IGF2BP3: variants seen among roughly 807,000 people sequenced by gnomAD.
IGF2BP3 encodes insulin like growth factor 2 mRNA binding protein 3, also known as insulin-like growth factor 2 mRNA-binding protein 3.
A neutral mutation model predicts 73.8 loss-of-function variants in IGF2BP3; 9 were observed. That is an observed-to-expected ratio of 0.12 (90% confidence interval 0.07 to 0.21). IGF2BP3 has a LOEUF of 0.21. IGF2BP3 is among the 10% of genes least tolerant of loss of function. The pLI, the probability that IGF2BP3 is intolerant of heterozygous loss-of-function variation, is 1.00. For missense variants in IGF2BP3, 542 were observed against 714.0 expected (o/e 0.76, Z 2.75); for synonymous variants, 258 against 256.7 (o/e 1.01, Z -0.05).
intron 2 of IGF2BP3, among the ~76,000 whole-genome samples, chr7:23,440,784 G>A (rs1283957871): frequency 5.9e-5 from 9 of 152,164 alleles, no homozygotes; most frequent in African/African-American, 2.2e-4. Flanking sequence ...AAGGACCTAA[G>A]TCAAAGTTTT....
At chr7:23,414,312 T>G (rs924774737) in intron 3 of IGF2BP3, 1 of 152,210 alleles carries the variant, frequency 6.6e-6, no homozygotes, top group African/African-American at 2.4e-5. Flanking sequence ...TCCAGAGAAC[T>G]TGAGGAATCC....
intron 3 of IGF2BP3, among the ~76,000 whole-genome samples, chr7:23,376,618 C>T (rs1039953621): frequency 2.6e-5 from 4 of 151,322 alleles, no homozygotes; most frequent in African/African-American, 9.7e-5. Context: ...ATAATCCCAA[C>T]ACTTTGGGAG....
chr7:23,326,235 C>A (rs1006059670), intron 10 of IGF2BP3, among the ~76,000 whole-genome samples: 2 of 152,156 alleles, frequency 1.3e-5, no homozygotes, highest in Non-Finnish European at 2.9e-5. Flanking sequence ...AAACAAATAA[C>A]CCCATCAAAA....
At position 23,469,970 on chromosome 7, in the gene IGF2BP3, C is replaced by G. The variant is rs1788676694; in HGVS notation, c.141G>C (p.Glu47Asp). The G allele has an allele frequency of 1.2e-6, 2 of 1,611,932 alleles. No homozygotes were observed. The highest frequency in any genetic ancestry group is 1.3e-5 in the African/African-American group (1 of 74,878). Residue 47 changes from glutamate (E) to aspartate (D), a missense_variant, in exon 1 of 15, where the codon GAG becomes GAC. Around this residue, in one of 2 missense-constraint regions of IGF2BP3, gnomAD observed 239 missense variants for 241.9 expected, o/e 0.99. Transcript: ENST00000258729. The surrounding 1 kb of genome is among the most constrained non-coding windows in gnomAD (Gnocchi z 6.1). ...TGYAFVDCPD[E>D]SWALKAIEAL... The stretch of plus-strand genomic sequence containing the variant: ...CCTCGATGGCCTTGAGGGCCCAGCT[C>G]TCGTCCGGGCAGTCCACGAACGCGT...
rs35846648 is a variant in IGF2BP3, at chr7:23,435,292, CAAAAAAAAAAA to C, written c.237-16479_237-16469del. The stretch of plus-strand genomic sequence containing the variant: ...CAGGCGACAGAGCAAGACTCTGTCT[CAAAAAAAAAAA>C]AAAAAAAAAAAAAAAAAATCCTGAA... On this transcript the variant is annotated intron_variant, in intron 2 of 14. Coordinates refer to ENST00000258729, the MANE Select transcript of IGF2BP3 (RefSeq NM_006547.3). Among the ~76,000 whole-genome samples, 218 of 47,982 alleles carry C rather than the reference CAAAAAAAAAAA, an allele frequency of 4.5e-3. 2 individuals are homozygous for C. The highest frequency in any genetic ancestry group is 0.01 in the Admixed American group (27 of 2,574). 31.5% of individuals were successfully genotyped at this position (47,982 alleles called of 152,430 possible).
At chr7:23,352,068 G>A (rs1318774803) in intron 5 of IGF2BP3, among the ~76,000 whole-genome samples, 1 of 152,060 alleles carries the variant, frequency 6.6e-6, no homozygotes, top group African/African-American at 2.4e-5. Context: ...ACCATTTTAA[G>A]AACCAGTGGA....
At chr7:23,452,895 C>A (rs1376245496) in intron 2 of IGF2BP3, among the ~76,000 whole-genome samples, 1 of 151,496 alleles carries the variant, frequency 6.6e-6, no homozygotes, top group South Asian at 2.1e-4. Flanking sequence ...AGGCAGATAA[C>A]GAGGTCAGGA....
At chr7:23,419,041 T>C (rs1275915596) in intron 2 of IGF2BP3, among the ~76,000 whole-genome samples, 1 of 152,220 alleles carries the variant, frequency 6.6e-6, no homozygotes, top group Admixed American at 6.5e-5. Flanking sequence ...CGGACTGTTA[T>C]GACTTATTTT....
intron 7 of IGF2BP3, among the ~76,000 whole-genome samples, chr7:23,346,539 T>C (rs894095066): frequency 1.3e-5 from 2 of 152,110 alleles, no homozygotes; most frequent in Non-Finnish European, 2.9e-5. Context: ...GTCATATATA[T>C]ATAAAACTGT....
intron 3 of IGF2BP3, among the ~76,000 whole-genome samples, chr7:23,398,460 T>C (rs1455259738): frequency 6.6e-6 from 1 of 152,224 alleles, no homozygotes; most frequent in Non-Finnish European, 1.5e-5. Flanking sequence ...ATGGTATTTC[T>C]AGTTCTAGAT....
At chr7:23,330,531 C>T (rs1028695360) in intron 10 of IGF2BP3, among the ~76,000 whole-genome samples, 1 of 151,874 alleles carries the variant, frequency 6.6e-6, no homozygotes, top group Non-Finnish European at 1.5e-5. Flanking sequence ...AAGCTTAAAC[C>T]TATGATCATC....
At chr7:23,371,106 T>C (rs1785529409) in intron 3 of IGF2BP3, among the ~76,000 whole-genome samples, 1 of 152,002 alleles carries the variant, frequency 6.6e-6, no homozygotes, top group Non-Finnish European at 1.5e-5. Context: ...ATTAATAAAA[T>C]GCAAAGCGGG....
At position 23,470,320 on chromosome 7, in the gene IGF2BP3, A is replaced by G; in HGVS notation, c.-210T>C. The G allele has an allele frequency of 2.6e-6, 1 of 387,334 alleles. No individual in the cohort carries two copies. The highest frequency in any genetic ancestry group is 4.6e-6 in the Non-Finnish European group (1 of 218,332). 24.0% of individuals were successfully genotyped at this position (387,334 alleles called of 1,614,324 possible). On this transcript the variant is annotated 5_prime_UTR_variant, in exon 1 of 15. Transcript: ENST00000258729. ...TTGTCTAGATGTGTTTTAAAAGAGA[A>G]AGAAAAGAAAAAGCCTAGCTACAAC...
At chr7:23,464,274 G>A (rs1788513645) in intron 2 of IGF2BP3, among the ~76,000 whole-genome samples, 1 of 152,140 alleles carries the variant, frequency 6.6e-6, no homozygotes, top group African/African-American at 2.4e-5. Flanking sequence ...ACTTTTATAA[G>A]TTCTATCCAA....
chr7:23,311,039 T>C lies in IGF2BP3; in HGVS notation c.*1323A>G, dbSNP rs1266757737. 1 of 152,204 alleles carries C rather than the reference T, an allele frequency of 6.6e-6. No homozygotes were observed. Among genetic ancestry groups the C allele is most frequent in the African/African-American group, 2.4e-5 (1 of 41,444 alleles). 9.4% of individuals were successfully genotyped at this position (152,204 alleles called of 1,614,324 possible). A position where few individuals can be genotyped will look rare whatever the true frequency, so the allele number is the denominator to read the frequency against. The stretch of plus-strand genomic sequence containing the variant: ...AACTTTTCTTGTATTCTCTATCTTT[T>C]GACTTTTTTTTCAAAGAACTGATTG... On this transcript the variant is annotated 3_prime_UTR_variant, in exon 15 of 15. Coordinates refer to ENST00000258729, the MANE Select transcript of IGF2BP3 (RefSeq NM_006547.3).
At chr7:23,371,002 CATA>C in intron 3 of IGF2BP3, among the ~76,000 whole-genome samples, 1 of 152,072 alleles carries the variant, frequency 6.6e-6, no homozygotes, top group Admixed American at 6.6e-5. Context: ...TTTAAAAGTC[CATA>C]ATAATATAAG....
rs187225158 is a variant in IGF2BP3, at chr7:23,418,707, A to G, written c.285+69T>C. On this transcript the variant is annotated intron_variant, in intron 3 of 14. Transcript: ENST00000258729. ...CCCAAGAGTTGAGGAAAGGAGAAAA[A>G]GCTTTGAAAAAACTAACAGCAATAG... 6 of 1,002,950 alleles carry G rather than the reference A, an allele frequency of 6.0e-6. No homozygotes were observed. In the Admixed American group the frequency reaches 1.4e-4, roughly 23 times the overall value. 62.1% of individuals were successfully genotyped at this position (1,002,950 alleles called of 1,614,324 possible). A position where few individuals can be genotyped will look rare whatever the true frequency, so the allele number is the denominator to read the frequency against.
intron 3 of IGF2BP3, among the ~76,000 whole-genome samples, chr7:23,417,974 G>A (rs1195890157): frequency 2.6e-5 from 4 of 152,120 alleles, no homozygotes; most frequent in Non-Finnish European, 5.9e-5. Context: ...AGAAACCTTG[G>A]AGAATCAGAC....
At chr7:23,319,529 T>C (rs1784079287) in intron 10 of IGF2BP3, among the ~76,000 whole-genome samples, 1 of 152,224 alleles carries the variant, frequency 6.6e-6, no homozygotes, top group African/African-American at 2.4e-5. Context: ...GATATGTAGA[T>C]GTTGTAAAGT....
Sources: gnomAD v4.1 joint callset for allele counts (sites outside exome capture counted in the v4.1 genomes callset) on GRCh38, gnomAD v4.1.1 for gene constraint, gnomAD v4.1.1 regional missense constraint, Gnocchi (gnomAD v3.1) non-coding constraint, MANE v1.5 for transcripts, NCBI Gene and HGNC (gene_info 2026-07-23, HGNC 2026-07-21) for gene names.